IKBKB-DT: variants seen among roughly 807,000 people sequenced by gnomAD.
IKBKB-DT encodes IKBKB divergent transcript.
At chr8:42,243,195 A>C (rs1458604340) in intron 3 of IKBKB-DT, among the ~76,000 whole-genome samples, 2 of 152,158 alleles carry the variant, frequency 1.3e-5, no homozygotes, top group African/African-American at 2.4e-5. Context: ...AAAACTCTCC[A>C]GGTGGGGAGA....
At chr8:42,260,084 G>A (rs1386987743) in intron 3 of IKBKB-DT, among the ~76,000 whole-genome samples, 1 of 152,086 alleles carries the variant, frequency 6.6e-6, no homozygotes, top group Non-Finnish European at 1.5e-5. Context: ...CGGGAAGGAA[G>A]AGGTTGTAGG....
At chr8:42,256,984 G>A (rs981835784) in intron 3 of IKBKB-DT, among the ~76,000 whole-genome samples, 1 of 152,112 alleles carries the variant, frequency 6.6e-6, no homozygotes, top group Non-Finnish European at 1.5e-5. Flanking sequence ...TAAAGGATGA[G>A]AATTAATTGT....
chr8:42,246,710 C>T (rs1200947458), intron 3 of IKBKB-DT, among the ~76,000 whole-genome samples: 1 of 152,176 alleles, frequency 6.6e-6, no homozygotes, highest in Non-Finnish European at 1.5e-5. Flanking sequence ...CTTTTCTACC[C>T]TTTGACTATC....
At chr8:42,267,715 G>A (rs1269215812) in intron 1 of IKBKB-DT, among the ~76,000 whole-genome samples, 1 of 152,168 alleles carries the variant, frequency 6.6e-6, no homozygotes, top group Non-Finnish European at 1.5e-5. Flanking sequence ...AATATCTTTT[G>A]TAAACAGTCT....
At chr8:42,239,706 C>T (rs1212353952) in intron 3 of IKBKB-DT, among the ~76,000 whole-genome samples, 5 of 140,920 alleles carry the variant, frequency 3.5e-5, no homozygotes, top group African/African-American at 1.3e-4. Context: ...AGTGCAATGG[C>T]ACGATCTTGG....
intron 3 of IKBKB-DT, chr8:42,255,304 A>G (rs368661483): frequency 6.6e-6 from 1 of 152,230 alleles, no homozygotes; most frequent in Admixed American, 6.5e-5. Context: ...TAATTAAAAA[A>G]AAATCATATA....
intron 1 of IKBKB-DT, among the ~76,000 whole-genome samples, chr8:42,266,953 A>AGTAGCC (rs1807379030): frequency 1.3e-5 from 2 of 151,448 alleles, no homozygotes; most frequent in South Asian, 4.2e-4. Context: ...CTGTCTAAGG[A>AGTAGCC]GTAGCCGTTC....
intron 3 of IKBKB-DT, among the ~76,000 whole-genome samples, chr8:42,262,721 G>A (rs1807308208): frequency 6.6e-6 from 1 of 151,786 alleles, no homozygotes; most frequent in South Asian, 2.1e-4. Flanking sequence ...TTACAGGCAT[G>A]AGCCACCATG....
chr8:42,239,612 A>ATT lies in IKBKB-DT; in HGVS notation n.1530-5755_1530-5754dup, dbSNP rs796697635. Among the ~76,000 whole-genome samples, 75 of 65,618 alleles carry ATT rather than the reference A, an allele frequency of 1.1e-3. 1 individual carries two copies. The highest frequency in any genetic ancestry group is 3.6e-3 in the South Asian group (6 of 1,668). The allele number at this position is 65,618 out of a possible 152,430, so 43.0% of individuals were successfully genotyped here. The stretch of plus-strand genomic sequence containing the variant: ...AGCCAACCAATTTTTGTAAAAGGCA[A>ATT]TTTATATATATATATATATATATTT... On this transcript the variant is annotated intron_variant and non_coding_transcript_variant, in intron 3 of 3. Coordinates refer to ENST00000518213, the Ensembl canonical transcript of IKBKB-DT.
At chr8:42,245,725 C>T (rs983874914) in intron 3 of IKBKB-DT, among the ~76,000 whole-genome samples, 5 of 152,162 alleles carry the variant, frequency 3.3e-5, no homozygotes, top group East Asian at 1.9e-4. Flanking sequence ...AGCCCTTACC[C>T]GGAAAATGTA....
chr8:42,240,932 G>A (rs556656075), intron 3 of IKBKB-DT, among the ~76,000 whole-genome samples: 35 of 151,458 alleles, frequency 2.3e-4, no homozygotes, highest in Non-Finnish European at 3.5e-4. Context: ...CTGAGATTGC[G>A]CCATTGCACT....
intron 3 of IKBKB-DT, among the ~76,000 whole-genome samples, chr8:42,239,794 A>T (rs2129903442): frequency 6.6e-6 from 1 of 150,642 alleles, no homozygotes; most frequent in Non-Finnish European, 1.5e-5. Context: ...TACAGGCACC[A>T]CCCACAGCTA....
chr8:42,234,339 C>T (rs1258895956), intron 3 of IKBKB-DT, among the ~76,000 whole-genome samples: 2 of 152,150 alleles, frequency 1.3e-5, no homozygotes, highest in Admixed American at 6.5e-5. Flanking sequence ...GAGCTTCCCA[C>T]TGTAACAAAA....
At chr8:42,255,237 T>G (rs941405314) in intron 3 of IKBKB-DT, 6 of 152,248 alleles carry the variant, frequency 3.9e-5, no homozygotes, top group African/African-American at 1.4e-4. Flanking sequence ...GACAGCCTTG[T>G]TTGTGATCTT....
chr8:42,239,630 ATATATT>A lies in IKBKB-DT; in HGVS notation n.1530-5777_1530-5772del, dbSNP rs1189461738. ...AAAGGCAATTTATATATATATATATATATATTTATTTATTTATTCATTTTTTTTTTT... is the reference window on the plus strand; with the variant it reads ...AAAGGCAATTTATATATATATATATATATTTATTTATTCATTTTTTTTTTT... On this transcript the variant is annotated intron_variant and non_coding_transcript_variant, in intron 3 of 3. Transcript: ENST00000518213. Among the ~76,000 whole-genome samples, 123 of 98,756 alleles carry A rather than the reference ATATATT, an allele frequency of 1.2e-3. 6 individuals carry two copies. The Middle Eastern group carries it at 0.019, about 15-fold the overall frequency. 64.8% of individuals were successfully genotyped at this position (98,756 alleles called of 152,430 possible). A position where few individuals can be genotyped will look rare whatever the true frequency, so the allele number is the denominator to read the frequency against.
intron 3 of IKBKB-DT, among the ~76,000 whole-genome samples, chr8:42,261,809 T>C (rs1807292895): frequency 1.3e-5 from 2 of 152,180 alleles, no homozygotes; most frequent in African/African-American, 4.8e-5. Flanking sequence ...TGGTCACAGA[T>C]GGGATGCAGC....
intron 3 of IKBKB-DT, among the ~76,000 whole-genome samples, chr8:42,237,556 G>C (rs1349681437): frequency 1.3e-5 from 2 of 152,150 alleles, no homozygotes; most frequent in Admixed American, 1.3e-4. Flanking sequence ...CCTTTCAGTT[G>C]ATGTGGGCCT....
intron 3 of IKBKB-DT, among the ~76,000 whole-genome samples, chr8:42,242,284 T>C (rs1209933583): frequency 6.9e-6 from 1 of 143,890 alleles, no homozygotes; most frequent in African/African-American, 2.6e-5. Context: ...AAGCAGATTA[T>C]AGCATCATCC....
At chr8:42,256,471 C>T (rs1163160359) in intron 3 of IKBKB-DT, among the ~76,000 whole-genome samples, 1 of 151,686 alleles carries the variant, frequency 6.6e-6, no homozygotes, top group Non-Finnish European at 1.5e-5. Context: ...ACTCAAGTGG[C>T]TGAGGCAGGA....
Sources: gnomAD v4.1 joint callset for allele counts (sites outside exome capture counted in the v4.1 genomes callset) on GRCh38, gnomAD v4.1.1 for gene constraint, MANE v1.5 for transcripts, NCBI Gene and HGNC (gene_info 2026-07-23, HGNC 2026-07-21) for gene names.